The following NEK1 variants were observed in gnomAD, a reference collection of about 807,000 sequenced individuals.
The protein encoded by NEK1 is serine/threonine-protein kinase Nek1.
A neutral mutation model predicts 182.1 loss-of-function variants in NEK1; 137 were observed. That is an observed-to-expected ratio of 0.75 (90% confidence interval 0.65 to 0.87). NEK1 has a LOEUF of 0.87. Among genes scored for constraint, NEK1 ranks in the 40% least tolerant of loss-of-function variants. The probability of loss-of-function intolerance (pLI) is 0.00; values close to 1 mark genes in which losing one functional copy is unlikely to be tolerated. For synonymous variants in NEK1, 513 were observed against 492.2 expected, an observed-to-expected ratio of 1.04 and a Z score of -0.56; for missense variants, 1,391 against 1,494.4, an observed-to-expected ratio of 0.93 and a Z score of 1.14.
intron 31 of NEK1, among the ~76,000 whole-genome samples, chr4:169,424,213 T>C (rs1735969729): frequency 6.6e-6 from 1 of 152,188 alleles, no homozygotes; most frequent in South Asian, 2.1e-4. Context: ...ATAGCACCTC[T>C]GTCTATTTAA....
At chr4:169,406,839 A>G (rs975054531) in intron 31 of NEK1, 92 bp from the exon 32 acceptor site, 5 of 1,042,112 alleles carry the variant, frequency 4.8e-6, no homozygotes, top group East Asian at 2.8e-5. Flanking sequence ...ATTTTGTTAC[A>G]TATGTGTAAA....
Position 169,576,979 on chromosome 4 carries a change from T to C in NEK1, c.969A>G (p.Lys323=), listed in dbSNP as rs1426705002. ...AKYGIPLAYK[K]YGDKKLHEKK... ...TTTCGTGTAATTTTTTATCTCCATA[T>C]TTCTTATATGCTAAAGGTATTCCAT... The change falls in exon 12 of 36, where the codon AAA becomes AAG. Residue 323 remains lysine, a synonymous_variant. Coordinates refer to ENST00000507142, the MANE Select transcript of NEK1 (RefSeq NM_001199397.3). The C allele has an allele frequency of 1.2e-6, 2 of 1,612,900 alleles. No homozygotes were observed. Among genetic ancestry groups the C allele is most frequent in the Non-Finnish European group, 1.7e-6 (2 of 1,179,328 alleles).
intron 35 of NEK1, among the ~76,000 whole-genome samples, chr4:169,395,603 C>T (rs1450773400): frequency 6.6e-6 from 1 of 152,196 alleles, no homozygotes. Flanking sequence ...CAAGGTAACA[C>T]TTATCACTGG....
chr4:169,581,880 AACT>A (rs1451508780), intron 10 of NEK1, among the ~76,000 whole-genome samples: 1 of 152,200 alleles, frequency 6.6e-6, no homozygotes, highest in Non-Finnish European at 1.5e-5. Flanking sequence ...TATAAATTAT[AACT>A]AATTTTATTA....
intron 16 of NEK1, among the ~76,000 whole-genome samples, chr4:169,560,146 G>T (rs1762702539): frequency 6.6e-6 from 1 of 152,130 alleles, no homozygotes; most frequent in Non-Finnish European, 1.5e-5. Context: ...CAGTTCCCCT[G>T]GCTCAGGAAT....
Position 169,561,884 on chromosome 4 carries a change from G to T in NEK1, c.1088C>A (p.Ala363Glu), listed in dbSNP as rs1762965609. The T allele has an allele frequency of 6.2e-7, 1 of 1,600,674 alleles. No individual in the cohort carries two copies. Among genetic ancestry groups the T allele is most frequent in the Non-Finnish European group, 8.5e-7 (1 of 1,175,434 alleles). The change falls in exon 14 of 36, where the codon GCA becomes GAA. Residue 363 changes from alanine (A) to glutamate (E), a missense_variant. This residue lies in a region of NEK1 where 1,216 missense variants were observed against 1,277.6 expected (regional missense o/e 0.95). Coordinates refer to ENST00000507142, the MANE Select transcript of NEK1 (RefSeq NM_001199397.3). ...AATAAATTCCAGCCTTCTCTTTCTT[G>T]CTGCTTCCTTAAATAAAAAAAAGAA... ...EERRKISEEA[A>E]RKRRLEFIEK...
At chr4:169,567,761 C>T (rs1046780701) in intron 12 of NEK1, among the ~76,000 whole-genome samples, 1 of 152,164 alleles carries the variant, frequency 6.6e-6, no homozygotes, top group Non-Finnish European at 1.5e-5. Context: ...TCTCAATGGT[C>T]TAGCTCAGAC....
chr4:169,580,950 A>T, intron 10 of NEK1, 48 bp from the exon 11 acceptor site: 2 of 1,053,704 alleles, frequency 1.9e-6, no homozygotes, highest in Non-Finnish European at 2.8e-6. Flanking sequence ...CATTTTCAAA[A>T]TAAAAAACCT....
chr4:169,494,327 CTA>C (rs1227586799), intron 23 of NEK1, among the ~76,000 whole-genome samples: 1 of 152,090 alleles, frequency 6.6e-6, no homozygotes, highest in Non-Finnish European at 1.5e-5. Flanking sequence ...CAATTCCCAC[CTA>C]TGAGTGAGAA....
At chr4:169,441,117 G>A (rs1448186626) in intron 27 of NEK1, among the ~76,000 whole-genome samples, 1 of 152,206 alleles carries the variant, frequency 6.6e-6, no homozygotes, top group Non-Finnish European at 1.5e-5. Flanking sequence ...AATGGGTGGT[G>A]CAGCACATTA....
At position 169,507,392 on chromosome 4, in the gene NEK1, T is replaced by A. The variant is rs73867833; in HGVS notation, c.1912-260A>T. Among the ~76,000 whole-genome samples, 2,003 of 152,116 alleles carry A rather than the reference T, an allele frequency of 0.013. 40 individuals carry two copies. The highest frequency in any genetic ancestry group is 0.045 in the African/African-American group (1,885 of 41,504). On this transcript the variant is annotated intron_variant, in intron 22 of 35. Transcript: ENST00000507142. Reference sequence around the variant, plus strand: ...TTGAATGTGAAAAAAATGTAAAAATTTAAAACAATTATTATACACAGACTT... The same window carrying A: ...TTGAATGTGAAAAAAATGTAAAAATATAAAACAATTATTATACACAGACTT...
chr4:169,447,058 A>AGAAAAAGAT (rs1740710195), intron 27 of NEK1, among the ~76,000 whole-genome samples: 1 of 152,214 alleles, frequency 6.6e-6, no homozygotes, highest in Admixed American at 6.5e-5. Flanking sequence ...TCCTGAACCT[A>AGAAAAAGAT]GAAAAAGATA....
At chr4:169,506,843 A>C (rs1275676822) in intron 23 of NEK1, 194 bp downstream of exon 23, 1 of 324,016 alleles carries the variant, frequency 3.1e-6, no homozygotes, top group Non-Finnish European at 5.5e-6. Flanking sequence ...TAACTTCCAC[A>C]TTGATTATTC....
rs781415758 is a variant in NEK1, at chr4:169,468,091, GA to G, written c.2435-4697del. On this transcript the variant is annotated intron_variant, in intron 26 of 35. Transcript: ENST00000507142. ...CAAAGAAAACTTTTAATAAAGCAAA[GA>G]TTTTTTTAAAAAGAACAAGCTATTA... is the stretch of plus-strand genomic sequence containing the variant. Among the ~76,000 whole-genome samples, 30 of 152,096 alleles carry G rather than the reference GA, an allele frequency of 2.0e-4. No homozygotes were observed. The South Asian group carries it at 5.4e-3, about 27-fold the overall frequency.
intron 5 of NEK1, among the ~76,000 whole-genome samples, chr4:169,592,789 G>A (rs1768763694): frequency 6.6e-6 from 1 of 151,658 alleles, no homozygotes; most frequent in African/African-American, 2.4e-5. Context: ...ACTCACGTAA[G>A]GCATTTTAAG....
intron 32 of NEK1, among the ~76,000 whole-genome samples, chr4:169,403,212 GA>G (rs1188379437): frequency 5.3e-5 from 8 of 152,124 alleles, no homozygotes. Flanking sequence ...ATTAGAATGA[GA>G]AAATAGTGTC....
In NEK1 at chr4:169,507,072, C is replaced by A; in HGVS notation, c.1972G>T (p.Ala658Ser). Reference sequence around the variant, plus strand: ...CACACTTTTTTTTCTCTCTCATAAGCCTCCTTTCTCTTTCGTTCTAGTTGT... The same window carrying A: ...CACACTTTTTTTTCTCTCTCATAAGACTCCTTTCTCTTTCGTTCTAGTTGT... ...KEQLERKRKE[A>S]YEREKKVWEE... Residue 658 changes from alanine (A) to serine (S), a missense_variant, in exon 23 of 36, where the codon GCT (alanine) becomes TCT (serine). Transcript: ENST00000507142. 6.2e-7 allele frequency: 1 copy of A among 1,609,588 alleles called. No individual in the cohort carries two copies. The highest frequency in any genetic ancestry group is 8.5e-7 in the Non-Finnish European group (1 of 1,177,886).
chr4:169,484,411 A>T (rs968106993), intron 23 of NEK1, among the ~76,000 whole-genome samples: 1 of 152,234 alleles, frequency 6.6e-6, no homozygotes, highest in Non-Finnish European at 1.5e-5. Flanking sequence ...ATTTGACAAA[A>T]ATTATCAATA....
chr4:169,536,394 T>A (rs1403704605), intron 19 of NEK1, among the ~76,000 whole-genome samples: 3 of 151,398 alleles, frequency 2.0e-5, no homozygotes, highest in Non-Finnish European at 2.9e-5. Context: ...ATACATTATA[T>A]ACCAAGGAAA....
Sources: allele counts gnomAD v4.1 joint callset (sites outside exome capture counted in the v4.1 genomes callset), GRCh38; gene constraint gnomAD v4.1.1; regional missense constraint gnomAD v4.1.1; transcripts MANE v1.5; gene names NCBI Gene and HGNC (gene_info 2026-07-23, HGNC 2026-07-21).